The following RAB38 variants were observed in gnomAD, a reference collection of about 807,000 sequenced individuals.
The protein encoded by RAB38 is RAB38, member RAS oncogene family, also known as ras-related protein Rab-38.
In RAB38, 15 loss-of-function variants were observed where a neutral mutation model predicts 18.4. That is an observed-to-expected ratio of 0.82 (90% CI 0.55 to 1.26). The LOEUF (loss-of-function observed/expected upper bound fraction) is 1.26. Among genes scored for constraint, RAB38 ranks in the 50% most tolerant of loss-of-function variants. The pLI, the probability that RAB38 is intolerant of heterozygous loss-of-function variation, is 0.00. For synonymous variants in RAB38, 101 were observed against 104.4 expected, an observed-to-expected ratio of 0.97 and a Z score of 0.20; for missense variants, 294 against 267.4, an observed-to-expected ratio of 1.10 and a Z score of -0.69.
chr11:88,009,577 G>T, the RAB38 span, among the ~76,000 whole-genome samples: 1 of 152,188 alleles, frequency 6.6e-6, no homozygotes, highest in African/African-American at 2.4e-5. Context: ...GAGTTATGCG[G>T]TGAGTTTACC....
chr11:87,876,420 C>T, the RAB38 span, among the ~76,000 whole-genome samples: 1 of 151,568 alleles, frequency 6.6e-6, no homozygotes, highest in Non-Finnish European at 1.5e-5. Context: ...TCTCCTCTTT[C>T]TTTCTCCCCC....
chr11:88,158,075 C>A (rs982299676), intron 1 of RAB38, among the ~76,000 whole-genome samples: 38 of 151,930 alleles, frequency 2.5e-4, no homozygotes, highest in African/African-American at 9.2e-4. Context: ...CAAAAAAGCC[C>A]AATCAGAAAT....
At chr11:88,171,100 G>T (rs1291315946) in intron 1 of RAB38, among the ~76,000 whole-genome samples, 1 of 152,176 alleles carries the variant, frequency 6.6e-6, no homozygotes, top group Non-Finnish European at 1.5e-5. Flanking sequence ...AAAACAGTCT[G>T]TAATAATAAC....
At chr11:88,004,654 T>C in the RAB38 span, among the ~76,000 whole-genome samples, 2 of 151,148 alleles carry the variant, frequency 1.3e-5, no homozygotes, top group Non-Finnish European at 3.0e-5. Context: ...AGAAGAAAAA[T>C]ATGTAAAAAG....
chr11:88,120,435 AT>A (rs751038690), intron 2 of RAB38, among the ~76,000 whole-genome samples: 5 of 152,170 alleles, frequency 3.3e-5, no homozygotes, highest in Non-Finnish European at 7.3e-5. Flanking sequence ...TTACCATGGT[AT>A]CTCCATGAAG....
At chr11:87,831,830 C>G in the RAB38 span, among the ~76,000 whole-genome samples, 3 of 152,076 alleles carry the variant, frequency 2.0e-5, no homozygotes, top group African/African-American at 7.2e-5. Context: ...ATTAATGTGG[C>G]AGAAAATGGA....
At chr11:87,882,200 GGCCCATCATTAGCAAAAT>G in the RAB38 span, among the ~76,000 whole-genome samples, 1 of 151,886 alleles carries the variant, frequency 6.6e-6, no homozygotes, top group African/African-American at 2.4e-5. Context: ...CACATTAATA[GGCCCATCATTAGCAAAAT>G]AAGTTCTTTC....
At chr11:87,804,390 A>T in the RAB38 span, among the ~76,000 whole-genome samples, 1 of 152,122 alleles carries the variant, frequency 6.6e-6, no homozygotes, top group African/African-American at 2.4e-5. Flanking sequence ...ATTTGCCTGC[A>T]TACACTGACA....
At chr11:88,131,668 A>G (rs1942769402) in intron 2 of RAB38, among the ~76,000 whole-genome samples, 1 of 152,200 alleles carries the variant, frequency 6.6e-6, no homozygotes. Flanking sequence ...TTTTACTCTT[A>G]ACCTTTCCAG....
chr11:87,973,011 G>A, the RAB38 span, among the ~76,000 whole-genome samples: 1 of 151,864 alleles, frequency 6.6e-6, no homozygotes, highest in African/African-American at 2.4e-5. Flanking sequence ...TGTAAGACCT[G>A]CCTATATTTC....
chr11:87,961,041 A>G, the RAB38 span, among the ~76,000 whole-genome samples: 2 of 152,162 alleles, frequency 1.3e-5, no homozygotes, highest in African/African-American at 2.4e-5. Flanking sequence ...AGCATTTTTA[A>G]TTATTCCATT....
At chr11:88,149,559 A>G (rs978381301) in intron 2 of RAB38, 116 bp downstream of exon 2, 1 of 1,256,232 alleles carries the variant, frequency 8.0e-7, no homozygotes, top group Non-Finnish European at 1.1e-6. Context: ...GAGCAATGTG[A>G]AAACCATACA....
chr11:87,972,460 A>G, the RAB38 span, among the ~76,000 whole-genome samples: 4 of 152,042 alleles, frequency 2.6e-5, no homozygotes, highest in Admixed American at 6.6e-5. Context: ...GGTACGATAG[A>G]GACTATACTG....
chr11:87,902,038 T>A, the RAB38 span, among the ~76,000 whole-genome samples: 1 of 151,384 alleles, frequency 6.6e-6, no homozygotes, highest in Non-Finnish European at 1.5e-5. Context: ...AGAAGATATG[T>A]GAATACTTTG....
At chr11:87,925,536 G>A in the RAB38 span, among the ~76,000 whole-genome samples, 1 of 152,030 alleles carries the variant, frequency 6.6e-6, no homozygotes. Context: ...TTTGCACATA[G>A]AGTAAGTATA....
chr11:87,932,136 C>A, the RAB38 span, among the ~76,000 whole-genome samples: 2 of 151,818 alleles, frequency 1.3e-5, no homozygotes, highest in Non-Finnish European at 1.5e-5. Context: ...TCAAGGGGGG[C>A]AAGGGGAGGG....
chr11:88,041,367 A>G, the RAB38 span, among the ~76,000 whole-genome samples: 5 of 152,200 alleles, frequency 3.3e-5, no homozygotes, highest in Non-Finnish European at 5.9e-5. Context: ...CTTTGCCCGG[A>G]AAGACCTTGC....
At chr11:88,144,826 G>A (rs986599660) in intron 2 of RAB38, among the ~76,000 whole-genome samples, 6 of 151,936 alleles carry the variant, frequency 3.9e-5, no homozygotes, top group African/African-American at 1.4e-4. Context: ...CTTTCTGTGA[G>A]TTTGACTTTT....
chr11:88,108,653 A>T (rs558934276), downstream of RAB38, among the ~76,000 whole-genome samples: 1 of 152,210 alleles, frequency 6.6e-6, no homozygotes, highest in African/African-American at 2.4e-5. Context: ...TTTAAGGTAA[A>T]TATTGTTATG....
Sources: allele counts gnomAD v4.1 joint callset (sites outside exome capture counted in the v4.1 genomes callset), GRCh38; gene constraint gnomAD v4.1.1; transcripts MANE v1.5; gene names NCBI Gene and HGNC (gene_info 2026-07-23, HGNC 2026-07-21).